KDM4C: variants seen among roughly 807,000 people sequenced by gnomAD.
KDM4C encodes lysine-specific demethylase 4C.
KDM4C carries 81 observed loss-of-function variants against 129.3 expected under a neutral mutation model. That is an observed-to-expected ratio of 0.63 (90% CI 0.52 to 0.75). KDM4C has a LOEUF of 0.75. Ranked by LOEUF, KDM4C falls within the 30% of genes least tolerant of loss-of-function variation. The pLI, the probability that KDM4C is intolerant of heterozygous loss-of-function variation, is 0.00. For synonymous variants in KDM4C, 573 were observed against 456.1 expected, an observed-to-expected ratio of 1.26 and a Z score of -3.26; for missense variants, 1,457 against 1,304.0, an observed-to-expected ratio of 1.12 and a Z score of -1.81.
chr9:7,052,902 CGAGCG>C (rs1564049845), intron 17 of KDM4C, among the ~76,000 whole-genome samples: 2 of 44,114 alleles, frequency 4.5e-5, no homozygotes, highest in African/African-American at 7.3e-5. Flanking sequence ...AGAGAGAGAG[CGAGCG>C]AGTGCCCAAG....
At chr9:7,035,770 A>T (rs964128107) in intron 15 of KDM4C, among the ~76,000 whole-genome samples, 2 of 152,022 alleles carry the variant, frequency 1.3e-5, no homozygotes, top group African/African-American at 4.8e-5. Flanking sequence ...TGTTCATGGC[A>T]CCTTTGTCCA....
chr9:6,857,026 G>C (rs940266861), intron 5 of KDM4C, among the ~76,000 whole-genome samples: 1 of 152,138 alleles, frequency 6.6e-6, no homozygotes, highest in African/African-American at 2.4e-5. Context: ...CATAATTTTT[G>C]TATTTTTGTA....
intron 19 of KDM4C, among the ~76,000 whole-genome samples, chr9:7,156,718 G>A (rs1009679302): frequency 3.9e-5 from 6 of 152,178 alleles, no homozygotes; most frequent in African/African-American, 1.4e-4. Context: ...CTATATCTCT[G>A]TTTTGGTACC....
At position 6,981,108 on chromosome 9, in the gene KDM4C, G is replaced by T. The variant is rs758425089; in HGVS notation, c.1105G>T (p.Ala369Ser). 4.3e-6 allele frequency: 7 copies of T among 1,611,082 alleles called. No individual in the cohort carries two copies. Among genetic ancestry groups the T allele is most frequent in the Non-Finnish European group, 5.1e-6 (6 of 1,178,834 alleles). ...WLQRRRKVRK[A>S]SRSFQCARST... ...GCAGAGGAGGAGGAAAGTAAGAAAAGCATCCCGAAGGTAATGACCCCTCAC... is the reference window on the plus strand; with the variant it reads ...GCAGAGGAGGAGGAAAGTAAGAAAATCATCCCGAAGGTAATGACCCCTCAC... Residue 369 changes from alanine to serine, a missense_variant, in exon 9 of 22, where the codon GCA (alanine) becomes TCA (serine). Transcript: ENST00000381309.
chr9:6,822,678 C>T (rs559098685), intron 4 of KDM4C, among the ~76,000 whole-genome samples: 2 of 152,198 alleles, frequency 1.3e-5, no homozygotes, highest in Admixed American at 6.5e-5. Context: ...TTAAAATACT[C>T]AGCCTTCTGT....
chr9:6,799,146 C>T (rs1828403058), intron 2 of KDM4C, among the ~76,000 whole-genome samples: 2 of 152,166 alleles, frequency 1.3e-5, no homozygotes. Flanking sequence ...AGACACTCCT[C>T]ACTTCCCAGA....
chr9:6,778,066 A>G (rs1823468677), intron 1 of KDM4C, among the ~76,000 whole-genome samples: 1 of 150,178 alleles, frequency 6.7e-6, no homozygotes, highest in East Asian at 2.0e-4. Flanking sequence ...GACTACAGGC[A>G]TGCCACCATG....
chr9:6,842,859 G>A (rs1837219089), intron 4 of KDM4C, among the ~76,000 whole-genome samples: 1 of 152,084 alleles, frequency 6.6e-6, no homozygotes. Flanking sequence ...GGCTCTTTGG[G>A]CACCTGAGTT....
intron 8 of KDM4C, among the ~76,000 whole-genome samples, chr9:6,922,657 G>A (rs756986491): frequency 1.3e-5 from 2 of 152,254 alleles, no homozygotes; most frequent in Admixed American, 6.5e-5. Context: ...TGAGGTGGGA[G>A]AATCACCTGA....
intron 1 of KDM4C, chr9:6,748,988 A>G: frequency 1.2e-6 from 1 of 817,828 alleles, no homozygotes; most frequent in Non-Finnish European, 2.2e-6. Context: ...CCATGGTGGA[A>G]TTTCACAAAG....
At chr9:7,025,957 C>T (rs1002228040) in intron 15 of KDM4C, among the ~76,000 whole-genome samples, 1 of 152,120 alleles carries the variant, frequency 6.6e-6, no homozygotes, top group Non-Finnish European at 1.5e-5. Context: ...GTAATCCCAG[C>T]ACTCTGGGAG....
At chr9:6,852,135 A>G (rs1372178233) in intron 5 of KDM4C, among the ~76,000 whole-genome samples, 1 of 152,174 alleles carries the variant, frequency 6.6e-6, no homozygotes, top group Non-Finnish European at 1.5e-5. Flanking sequence ...TTTCTAGTAG[A>G]TGTATGAAAT....
At chr9:6,792,922 C>T (rs761807307) in intron 1 of KDM4C, 50 bp from the exon 2 acceptor site, 3 of 1,580,032 alleles carry the variant, frequency 1.9e-6, no homozygotes, top group Admixed American at 1.7e-5. Context: ...TAAAAATGAC[C>T]TAAAGCATAT....
At chr9:7,016,700 A>G (rs1823760627) in intron 15 of KDM4C, among the ~76,000 whole-genome samples, 1 of 152,100 alleles carries the variant, frequency 6.6e-6, no homozygotes, top group African/African-American at 2.4e-5. Context: ...TGCTAGGATT[A>G]CAGCCGTGAG....
intron 2 of KDM4C, among the ~76,000 whole-genome samples, chr9:6,797,469 A>T (rs1421408304): frequency 6.6e-6 from 1 of 151,802 alleles, no homozygotes; most frequent in African/African-American, 2.4e-5. Flanking sequence ...GGAAGGTTTG[A>T]CACTTTGACT....
chr9:7,139,547 AATTATATGTATATAT>A (rs1205461043), intron 19 of KDM4C, among the ~76,000 whole-genome samples: 1 of 152,190 alleles, frequency 6.6e-6, no homozygotes, highest in Non-Finnish European at 1.5e-5. Flanking sequence ...GAGACTCTAA[AATTATATGTATATAT>A]ATTGTAAAGA....
chr9:6,877,338 C>G (rs1052377913), intron 5 of KDM4C, among the ~76,000 whole-genome samples: 3 of 152,164 alleles, frequency 2.0e-5, no homozygotes, highest in South Asian at 2.1e-4. Context: ...GTAGCTGAGA[C>G]TACAGGCGCC....
chr9:6,742,202 G>A (rs1258246410), intron 1 of KDM4C, among the ~76,000 whole-genome samples: 1 of 150,746 alleles, frequency 6.6e-6, no homozygotes, highest in Non-Finnish European at 1.5e-5. Context: ...TTTTAGTAGA[G>A]ATGGGGTTTC....
intron 12 of KDM4C, among the ~76,000 whole-genome samples, chr9:6,996,159 T>G (rs113226326): frequency 0.035 from 5,352 of 152,312 alleles, 330 homozygotes; most frequent in African/African-American, 0.12. Flanking sequence ...TTGCTGCCCA[T>G]TTTGATGTGA....
Sources: allele counts gnomAD v4.1 joint callset (sites outside exome capture counted in the v4.1 genomes callset), GRCh38; gene constraint gnomAD v4.1.1; transcripts MANE v1.5; gene names NCBI Gene and HGNC (gene_info 2026-07-23, HGNC 2026-07-21).